USP12: variants seen among roughly 807,000 people sequenced by gnomAD.
USP12 encodes the protein ubiquitin specific peptidase 12, also known as ubiquitin carboxyl-terminal hydrolase 12.
USP12 carries 19 observed loss-of-function variants against 45.5 expected under a neutral mutation model. That is an observed-to-expected ratio of 0.42 (90% CI 0.29 to 0.61). USP12 has a LOEUF of 0.61. Ranked by LOEUF, USP12 falls within the 20% of genes least tolerant of loss-of-function variation. USP12 has a pLI of 0.22. For missense variants in USP12, 242 were observed against 447.7 expected, an observed-to-expected ratio of 0.54 and a Z score of 4.15; for synonymous variants, 149 against 148.8, an observed-to-expected ratio of 1.00 and a Z score of -0.01.
intron 1 of USP12, among the ~76,000 whole-genome samples, chr13:27,156,849 AATGATTTTATGGTTGTCTT>A (rs1877867015): frequency 6.6e-6 from 1 of 151,874 alleles, no homozygotes; most frequent in Non-Finnish European, 1.5e-5. Context: ...AGAGAGAAAA[AATGATTTTATGGTTGTCTT>A]TAGGGGGAAG....
At position 27,171,586 on chromosome 13, in the gene USP12, A is replaced by T; in HGVS notation, c.48+6T>A. On this transcript the variant is annotated splice_donor_region_variant and intron_variant, in intron 1 of 8. Coordinates refer to ENST00000282344, the MANE Select transcript of USP12 (RefSeq NM_182488.4). ...CAGCCCCGGCCGCCCGCTCGCCGCC[A>T]CCTACCATGGTACAGATGGAGGCGA... is the stretch of plus-strand genomic sequence containing the variant. 8.3e-7 allele frequency: 1 copy of T among 1,211,924 alleles called. No individual in the cohort carries two copies. The highest frequency in any genetic ancestry group is 1.1e-6 in the Non-Finnish European group (1 of 935,326). The allele number at this position is 1,211,924 out of a possible 1,614,324, so 75.1% of individuals were successfully genotyped here. A position where few individuals can be genotyped will look rare whatever the true frequency, so the allele number is the denominator to read the frequency against.
At chr13:27,103,407 T>C (rs1014320195) in intron 3 of USP12, among the ~76,000 whole-genome samples, 1 of 150,254 alleles carries the variant, frequency 6.7e-6, no homozygotes, top group African/African-American at 2.5e-5. Flanking sequence ...AAAATGCTTT[T>C]CTATTAAAAA....
At chr13:27,163,300 C>T (rs1300689846) in intron 1 of USP12, among the ~76,000 whole-genome samples, 1 of 152,116 alleles carries the variant, frequency 6.6e-6, no homozygotes, top group Non-Finnish European at 1.5e-5. Flanking sequence ...ACTCTCCAGC[C>T]TTACTGTTCA....
chr13:27,092,375 G>C (rs1874358947), intron 4 of USP12, among the ~76,000 whole-genome samples: 2 of 152,140 alleles, frequency 1.3e-5, no homozygotes, highest in African/African-American at 2.4e-5. Context: ...TGATTCTAAA[G>C]TTTACATGGA....
chr13:27,089,718 T>C (rs752490388), intron 6 of USP12, 165 bp downstream of exon 6: 9 of 624,946 alleles, frequency 1.4e-5, no homozygotes, highest in Non-Finnish European at 2.2e-5. Flanking sequence ...AAACATTGAG[T>C]AGAATATCAT....
chr13:27,093,695 C>T lies in USP12; in HGVS notation c.573+1906G>A, dbSNP rs143661705. Among the ~76,000 whole-genome samples, 139 of 152,332 alleles carry T rather than the reference C, an allele frequency of 9.1e-4. 1 individual carries two copies. The East Asian group carries it at 0.024, about 26-fold the overall frequency. ...GATATTTACACAAAGGAAGTAAAAA[C>T]TCACATCCACACAAAAACCTGCACA... On this transcript the variant is annotated intron_variant, in intron 4 of 8. Coordinates refer to ENST00000282344, the MANE Select transcript of USP12 (RefSeq NM_182488.4).
Position 27,171,729 on chromosome 13 carries a change from G to C in USP12, c.-90C>G, listed in dbSNP as rs1372104884. On this transcript the variant is annotated 5_prime_UTR_variant, in exon 1 of 9. Coordinates refer to ENST00000282344, the MANE Select transcript of USP12 (RefSeq NM_182488.4). ...GCCGCCCGCTCGCACCGCAGCCCGC[G>C]GGCGGACCCCGAGCCGCCGCGGACC... is the stretch of plus-strand genomic sequence containing the variant. 4 of 873,490 alleles carry C rather than the reference G, an allele frequency of 4.6e-6. No individual in the cohort carries two copies. Among genetic ancestry groups the C allele is most frequent in the Admixed American group, 5.9e-5 (1 of 16,920 alleles). The allele number at this position is 873,490 out of a possible 1,614,324, so 54.1% of individuals were successfully genotyped here. A position where few individuals can be genotyped will look rare whatever the true frequency, so the allele number is the denominator to read the frequency against.
intron 4 of USP12, among the ~76,000 whole-genome samples, chr13:27,094,370 C>T (rs1489098989): frequency 6.6e-6 from 1 of 151,888 alleles, no homozygotes; most frequent in African/African-American, 2.4e-5. Context: ...GGGGTGATGG[C>T]ATGCACTGTA....
At chr13:27,155,960 T>TA (rs1566006440) in intron 1 of USP12, among the ~76,000 whole-genome samples, 1 of 152,190 alleles carries the variant, frequency 6.6e-6, no homozygotes, top group Non-Finnish European at 1.5e-5. Context: ...TCAATGTTTT[T>TA]AAAAATATTT....
In USP12 at chr13:27,105,717, G is replaced by A. The variant is rs1347765192; in HGVS notation, c.343+14C>T. ...TTCCTAGTATGTCATTAATACAGTGGGAAGTAGAATTACCATTTTCTTTCC... is the reference window on the plus strand; with the variant it reads ...TTCCTAGTATGTCATTAATACAGTGAGAAGTAGAATTACCATTTTCTTTCC... On this transcript the variant is annotated intron_variant, in intron 3 of 8. Coordinates refer to ENST00000282344, the MANE Select transcript of USP12 (RefSeq NM_182488.4). The A allele has an allele frequency of 6.2e-7, 1 of 1,608,838 alleles. No homozygotes were observed. The highest frequency in any genetic ancestry group is 2.2e-5 in the East Asian group (1 of 44,836).
chr13:27,146,777 T>C (rs141702941), intron 1 of USP12, among the ~76,000 whole-genome samples: 1 of 152,340 alleles, frequency 6.6e-6, no homozygotes, highest in East Asian at 1.9e-4. Context: ...TAAAGATAAA[T>C]TGAACTCCTA....
intron 1 of USP12, chr13:27,170,366 T>A: frequency 2.5e-6 from 1 of 398,570 alleles, no homozygotes; most frequent in Non-Finnish European, 4.4e-6. Flanking sequence ...CACCCTTAGA[T>A]GGAAAATTTC....
intron 6 of USP12, among the ~76,000 whole-genome samples, chr13:27,086,639 TGA>T (rs1460421524): frequency 1.3e-5 from 2 of 152,206 alleles, no homozygotes; most frequent in African/African-American, 4.8e-5. Flanking sequence ...TACTCACATG[TGA>T]TTACTTGTAT....
intron 1 of USP12, among the ~76,000 whole-genome samples, chr13:27,161,320 T>C (rs1445420397): frequency 6.6e-6 from 1 of 152,228 alleles, no homozygotes; most frequent in Admixed American, 6.5e-5. Flanking sequence ...TAAATGTTCA[T>C]CTACAGAATC....
chr13:27,142,715 T>C (rs185201736), intron 1 of USP12, among the ~76,000 whole-genome samples: 11 of 152,302 alleles, frequency 7.2e-5, no homozygotes, highest in Middle Eastern at 3.4e-3. Flanking sequence ...TCGAGACTAA[T>C]TTGAACATCA....
rs528999737 is a variant in USP12 at position 27,079,880 on chromosome 13, T to C, written c.735-4492A>G. ...ATTCAGTTCCAAGGACTGAATTCCATGCCCTTTTAAAATGTACCATCAACA... is the reference window on the plus strand; with the variant it reads ...ATTCAGTTCCAAGGACTGAATTCCACGCCCTTTTAAAATGTACCATCAACA... On this transcript the variant is annotated intron_variant, in intron 6 of 8. Transcript: ENST00000282344. 4.6e-5 allele frequency among the ~76,000 whole-genome samples: 7 copies of C among 152,322 alleles called. No individual in the cohort carries two copies. The East Asian group carries it at 9.6e-4, about 21-fold the overall frequency.
chr13:27,113,659 G>A (rs909467844), intron 2 of USP12, among the ~76,000 whole-genome samples: 23 of 152,272 alleles, frequency 1.5e-4, no homozygotes, highest in African/African-American at 5.3e-4. Context: ...GCAAATTACT[G>A]TCGTGTTATC....
At chr13:27,148,814 A>ACACACACACACACACAC (rs1555238422) in intron 1 of USP12, among the ~76,000 whole-genome samples, 3 of 150,948 alleles carry the variant, frequency 2.0e-5, no homozygotes, top group African/African-American at 4.9e-5. Flanking sequence ...ACACACACAC[A>ACACACACACACACACAC]AAAATCAGGT....
At chr13:27,150,982 A>G (rs1199471953) in intron 1 of USP12, among the ~76,000 whole-genome samples, 1 of 152,128 alleles carries the variant, frequency 6.6e-6, no homozygotes, top group African/African-American at 2.4e-5. Flanking sequence ...AAGGATTGAC[A>G]CAGGATTTGG....
Sources: gnomAD v4.1 joint callset for allele counts (sites outside exome capture counted in the v4.1 genomes callset) on GRCh38, gnomAD v4.1.1 for gene constraint, MANE v1.5 for transcripts, NCBI Gene and HGNC (gene_info 2026-07-23, HGNC 2026-07-21) for gene names.